Variants in TRAF3IP3 observed in about 807,000 individuals in gnomAD.
TRAF3IP3 encodes TRAF3 interacting protein 3.
In TRAF3IP3, 64 loss-of-function variants were observed where a neutral mutation model predicts 86.5. The ratio of observed to expected loss-of-function variants is 0.74; its 90% confidence interval spans 0.60 to 0.91. The LOEUF (loss-of-function observed/expected upper bound fraction) is 0.91, where lower values mean the gene tolerates loss of function less well. Among genes scored for constraint, TRAF3IP3 ranks in the 40% least tolerant of loss-of-function variants. TRAF3IP3 has a pLI of 0.00. For missense variants in TRAF3IP3, 579 were observed against 642.9 expected (o/e 0.90, Z 1.07); for synonymous variants, 220 against 243.9 (o/e 0.90, Z 0.91).
rs2077633287 is a variant in TRAF3IP3 at position 209,775,494 on chromosome 1, G to A, written c.915+5G>A. 1.2e-6 allele frequency: 2 copies of A among 1,614,046 alleles called. No individual in the cohort carries two copies. The highest frequency in any genetic ancestry group is 1.3e-5 in the African/African-American group (1 of 74,918). ...CAGCAACTACAGAGCACACAGGTAT[G>A]GGGATGCCACATAGACATGGGGCTG... On this transcript the variant is annotated splice_donor_5th_base_variant and intron_variant, in intron 10 of 16. Coordinates refer to ENST00000367025, the MANE Select transcript of TRAF3IP3 (RefSeq NM_025228.4).
Position 209,762,621 on chromosome 1 carries a change from C to T in TRAF3IP3, c.452C>T (p.Pro151Leu). The T allele has an allele frequency of 2.0e-6, 3 of 1,508,348 alleles. No individual in the cohort carries two copies. The highest frequency in any genetic ancestry group is 2.6e-6 in the Non-Finnish European group (3 of 1,134,848). The allele number at this position is 1,508,348 out of a possible 1,614,324, so 93.4% of individuals were successfully genotyped here. Reference sequence around the variant, plus strand: ...TCCTCACAGGCTGGGGGCCTTCCTCCACAGGACACTCCCATCAAGAAGCCA... The same window carrying T: ...TCCTCACAGGCTGGGGGCCTTCCTCTACAGGACACTCCCATCAAGAAGCCA... ...HLSSQAGGLP[P>L]QDTPIKKPPK... Residue 151 changes from proline to leucine, a missense_variant, in exon 4 of 17, where the codon CCA becomes CTA. Coordinates refer to ENST00000367025, the MANE Select transcript of TRAF3IP3 (RefSeq NM_025228.4).
At chr1:209,776,112 A>G (rs1344849032) in intron 11 of TRAF3IP3, 1 of 174,070 alleles carries the variant, frequency 5.7e-6, no homozygotes, top group Non-Finnish European at 1.2e-5. Context: ...GAATGTCACT[A>G]ATTTATTTAC....
intron 8 of TRAF3IP3, among the ~76,000 whole-genome samples, chr1:209,771,436 CATGTGGAGGTGT>C (rs2077517565): frequency 1.2e-5 from 1 of 82,882 alleles, no homozygotes; most frequent in African/African-American, 6.8e-5. Context: ...GAGGTGTGTG[CATGTGGAGGTGT>C]GTGTGCATGT....
chr1:209,763,744 A>G (rs2077290067), intron 8 of TRAF3IP3, among the ~76,000 whole-genome samples, 157 bp downstream of exon 8: 1 of 152,218 alleles, frequency 6.6e-6, no homozygotes, highest in Non-Finnish European at 1.5e-5. Flanking sequence ...GCTCAGACCT[A>G]GAAGTCAAAC....
In TRAF3IP3 at chr1:209,781,324, C is replaced by G. The variant is rs1351087280; in HGVS notation, c.1450-21C>G. ...TCCTAGACAGAAGTGACAGTGATGA[C>G]TTTGGTGATGTTCTCCCCAGTGCAG... On this transcript the variant is annotated intron_variant, in intron 15 of 16. Coordinates refer to ENST00000367025, the MANE Select transcript of TRAF3IP3 (RefSeq NM_025228.4). The G allele has an allele frequency of 1.9e-6, 3 of 1,551,038 alleles. No homozygotes were observed. In the African/African-American group the frequency reaches 4.1e-5, roughly 21 times the overall value.
intron 8 of TRAF3IP3, among the ~76,000 whole-genome samples, chr1:209,770,875 T>C (rs1386382839): frequency 8.6e-6 from 1 of 116,220 alleles, no homozygotes; most frequent in Middle Eastern, 7.9e-3. Flanking sequence ...GTGTGTGCCA[T>C]GTGGAGGTGT....
chr1:209,758,290 G>T (rs949881161), intron 1 of TRAF3IP3, among the ~76,000 whole-genome samples: 7 of 152,134 alleles, frequency 4.6e-5, no homozygotes, highest in Non-Finnish European at 7.4e-5. Context: ...ATTCAGAATG[G>T]GTATGTAGAG....
At position 209,771,076 on chromosome 1, in the gene TRAF3IP3, G is replaced by A. The variant is rs556010129; in HGVS notation, c.703-1872G>A. On this transcript the variant is annotated intron_variant, in intron 8 of 16. Coordinates refer to ENST00000367025, the MANE Select transcript of TRAF3IP3 (RefSeq NM_025228.4). ...TGTGCATGTGGAGGTGTGTGTGCAG[G>A]TGGAGGTGTGTGTGTGCAGGTGGAA... is the stretch of plus-strand genomic sequence containing the variant. 1.1e-4 allele frequency among the ~76,000 whole-genome samples: 15 copies of A among 135,320 alleles called. No individual in the cohort carries two copies. In the South Asian group the frequency reaches 3.5e-3, roughly 31 times the overall value. The allele number at this position is 135,320 out of a possible 152,430, so 88.8% of individuals were successfully genotyped here.
At chr1:209,757,213 G>T (rs949309273) in intron 1 of TRAF3IP3, among the ~76,000 whole-genome samples, 4 of 152,202 alleles carry the variant, frequency 2.6e-5, no homozygotes, top group Non-Finnish European at 5.9e-5. Context: ...GGGTAAGAAG[G>T]CTCCATGTCT....
At chr1:209,771,769 GT>G in intron 8 of TRAF3IP3, among the ~76,000 whole-genome samples, 1 of 136,844 alleles carries the variant, frequency 7.3e-6, no homozygotes, top group Non-Finnish European at 1.6e-5. Context: ...GAAGGTGTGT[GT>G]GTATATGGAG....
chr1:209,782,215 T>G lies in TRAF3IP3; in HGVS notation c.*67T>G. ...CAACTCAGCGAAAAACTCAGAAGGT[T>G]TGGGTACATTACAGCTTGGGTTTTC... On this transcript the variant is annotated 3_prime_UTR_variant, in exon 17 of 17. Transcript: ENST00000367025. The G allele has an allele frequency of 7.8e-7, 1 of 1,281,018 alleles. No homozygotes were observed. Among genetic ancestry groups the G allele is most frequent in the South Asian group, 1.2e-5 (1 of 84,118 alleles). The allele number at this position is 1,281,018 out of a possible 1,614,324, so 79.4% of individuals were successfully genotyped here.
intron 8 of TRAF3IP3, chr1:209,768,657 C>T (rs1277894196): frequency 2.6e-5 from 26 of 985,528 alleles, no homozygotes; most frequent in Non-Finnish European, 2.9e-5. Flanking sequence ...CAGACCGGCA[C>T]CAGGTGTGTA....
At chr1:209,765,220 AG>A (rs1558012958) in intron 8 of TRAF3IP3, among the ~76,000 whole-genome samples, 1,305 of 99,160 alleles carry the variant, frequency 0.013, 144 homozygotes, top group African/African-American at 0.041. Flanking sequence ...AGAGGGAGAG[AG>A]AGAGAGAGGA....
intron 8 of TRAF3IP3, among the ~76,000 whole-genome samples, chr1:209,771,952 T>G (rs563262276): frequency 7.6e-6 from 1 of 131,202 alleles, no homozygotes; most frequent in East Asian, 3.2e-4. Flanking sequence ...TGCGTGTGCA[T>G]GTGAAGGTGT....
Position 209,760,244 on chromosome 1 carries a change from A to G in TRAF3IP3, c.205A>G (p.Arg69Gly). ...TCGACTGCAGCAGTTCTTCAGGAGG[A>G]GGAACCTGGAGCTAGAGGAGAAGGG... is the stretch of plus-strand genomic sequence containing the variant. ...RARLQQFFRRRNLELEEKGKA... is the reference protein window; with the variant it reads ...RARLQQFFRRGNLELEEKGKA... Residue 69 changes from arginine (R) to glycine (G), a missense_variant, in exon 3 of 17, where the codon AGG (arginine) becomes GGG (glycine). Physicochemically the swap from Arg to Gly is moderately radical, Grantham distance 125. Transcript: ENST00000367025. 2 of 1,614,260 alleles carry G rather than the reference A, an allele frequency of 1.2e-6. No individual in the cohort carries two copies. Among genetic ancestry groups the G allele is most frequent in the Non-Finnish European group, 1.7e-6 (2 of 1,180,046 alleles).
At chr1:209,775,251 TGG>T in intron 9 of TRAF3IP3, 96 bp from the exon 10 acceptor site, 1 of 1,211,500 alleles carries the variant, frequency 8.3e-7, no homozygotes, top group Non-Finnish European at 1.2e-6. Context: ...TATCTCTGCC[TGG>T]GGGAAGAACC....
chr1:209,772,085 G>A (rs183713561), intron 8 of TRAF3IP3, among the ~76,000 whole-genome samples: 234 of 152,134 alleles, frequency 1.5e-3, no homozygotes, highest in African/African-American at 5.5e-3. Flanking sequence ...GTGTGTGTGT[G>A]CATGTGGAGG....
chr1:209,780,214 T>C, intron 14 of TRAF3IP3: 2 of 275,244 alleles, frequency 7.3e-6, no homozygotes, highest in Non-Finnish European at 1.3e-5. Context: ...TAAAACTATC[T>C]AGCACTAGAT....
intron 15 of TRAF3IP3, chr1:209,781,086 T>C (rs2077768602): frequency 4.2e-6 from 1 of 239,628 alleles, no homozygotes. Context: ...TGCAAAGCAC[T>C]TGCACGTAAA....
Sources: allele counts gnomAD v4.1 joint callset (sites outside exome capture counted in the v4.1 genomes callset), GRCh38; gene constraint gnomAD v4.1.1; transcripts MANE v1.5; gene names NCBI Gene and HGNC (gene_info 2026-07-23, HGNC 2026-07-21).